The following ESM1 variants were observed in gnomAD, a reference collection of about 807,000 sequenced individuals.
ESM1 encodes the protein endothelial cell-specific molecule 1.
A neutral mutation model predicts 14.9 loss-of-function variants in ESM1; 7 were observed. That is an observed-to-expected ratio of 0.47 (90% CI 0.27 to 0.88). The LOEUF (loss-of-function observed/expected upper bound fraction) is 0.88, where lower values mean the gene tolerates loss of function less well. Ranked by LOEUF, ESM1 falls within the 40% of genes least tolerant of loss-of-function variation. The probability of loss-of-function intolerance (pLI) is 0.14; values close to 1 mark genes in which losing one functional copy is unlikely to be tolerated. For missense variants in ESM1, 192 were observed against 237.9 expected, an observed-to-expected ratio of 0.81 and a Z score of 1.27; for synonymous variants, 89 against 89.4, an observed-to-expected ratio of 1.00 and a Z score of 0.02.
intron 1 of ESM1, among the ~76,000 whole-genome samples, chr5:54,984,574 T>G (rs1239464025): frequency 2.6e-5 from 4 of 152,220 alleles, no homozygotes; most frequent in Non-Finnish European, 5.9e-5. Flanking sequence ...TTCTCTATTG[T>G]TATTTTTCCT....
At chr5:54,980,227 A>G (rs746050194) in intron 2 of ESM1, among the ~76,000 whole-genome samples, 14 of 152,226 alleles carry the variant, frequency 9.2e-5, no homozygotes, top group Non-Finnish European at 1.3e-4. Flanking sequence ...TGTGGACAGG[A>G]AGCACATTTG....
At chr5:54,981,940 T>G (rs1744059739) in intron 2 of ESM1, 57 bp downstream of exon 2, 4 of 1,504,314 alleles carry the variant, frequency 2.7e-6, no homozygotes, top group Non-Finnish European at 3.7e-6. Flanking sequence ...ATTTTCTAAG[T>G]TATTCACACT....
Position 54,978,569 on chromosome 5 carries a change from C to T in ESM1, c.*763G>A, listed in dbSNP as rs182617929. ...AAATATATAAATATTTACCTTCATA[C>T]ACACACAAACCACCAGTGGGTAAAA... On this transcript the variant is annotated 3_prime_UTR_variant, in exon 3 of 3. Coordinates refer to ENST00000381405, the MANE Select transcript of ESM1 (RefSeq NM_007036.5). 324 of 152,340 alleles carry T rather than the reference C, an allele frequency of 2.1e-3. No individual in the cohort carries two copies. Among genetic ancestry groups the T allele is most frequent in the Non-Finnish European group, 3.6e-3 (243 of 68,002 alleles). 9.4% of individuals were successfully genotyped at this position (152,340 alleles called of 1,614,324 possible).
At position 54,978,554 on chromosome 5, in the gene ESM1, A is replaced by T. The variant is rs1743982567; in HGVS notation, c.*778T>A. On this transcript the variant is annotated 3_prime_UTR_variant, in exon 3 of 3. Coordinates refer to ENST00000381405, the MANE Select transcript of ESM1 (RefSeq NM_007036.5). ...CACATTTATTTATAAAAATATATAA[A>T]TATTTACCTTCATACACACACAAAC... The T allele has an allele frequency of 6.6e-6, 1 of 152,216 alleles. No individual in the cohort carries two copies. The highest frequency in any genetic ancestry group is 1.5e-5 in the Non-Finnish European group (1 of 68,028). The allele number at this position is 152,216 out of a possible 1,614,324, so 9.4% of individuals were successfully genotyped here. A position where few individuals can be genotyped will look rare whatever the true frequency, so the allele number is the denominator to read the frequency against.
rs1160560679 is a variant in ESM1 at position 54,978,448 on chromosome 5, C to G, written c.*884G>C. On this transcript the variant is annotated 3_prime_UTR_variant, in exon 3 of 3. Coordinates refer to ENST00000381405, the MANE Select transcript of ESM1 (RefSeq NM_007036.5). ...AACCTTATAGAGTCATAGTTTTATT[C>G]TAACCATTTTCAACAAATAATACTA... 3 of 151,962 alleles carry G rather than the reference C, an allele frequency of 2.0e-5. No individual in the cohort carries two copies. Among genetic ancestry groups the G allele is most frequent in the Admixed American group, 1.3e-4 (2 of 15,248 alleles). The allele number at this position is 151,962 out of a possible 1,614,324, so 9.4% of individuals were successfully genotyped here.
At position 54,978,462 on chromosome 5, in the gene ESM1, C is replaced by A. The variant is rs1022649965; in HGVS notation, c.*870G>T. Reference sequence around the variant, plus strand: ...ATAGTTTTATTCTAACCATTTTCAACAAATAATACTAGATTTCTTTCCTCA... The same window carrying A: ...ATAGTTTTATTCTAACCATTTTCAAAAAATAATACTAGATTTCTTTCCTCA... On this transcript the variant is annotated 3_prime_UTR_variant, in exon 3 of 3. Transcript: ENST00000381405. 1.3e-5 allele frequency: 2 copies of A among 151,992 alleles called. No individual in the cohort carries two copies. Among genetic ancestry groups the A allele is most frequent in the African/African-American group, 4.8e-5 (2 of 41,372 alleles). The allele number at this position is 151,992 out of a possible 1,614,324, so 9.4% of individuals were successfully genotyped here.
At chr5:54,985,137 G>C in intron 1 of ESM1, 80 bp downstream of exon 1, 2 of 1,357,028 alleles carry the variant, frequency 1.5e-6, no homozygotes, top group Non-Finnish European at 2.0e-6. Context: ...CTCTTGAGGA[G>C]CAAAGCCACC....
rs916496291 is a variant in ESM1, at chr5:54,978,560, A to G, written c.*772T>C. On this transcript the variant is annotated 3_prime_UTR_variant, in exon 3 of 3. Transcript: ENST00000381405. The stretch of plus-strand genomic sequence containing the variant: ...TATTTATAAAAATATATAAATATTT[A>G]CCTTCATACACACACAAACCACCAG... The G allele has an allele frequency of 3.9e-5, 6 of 152,316 alleles. No individual in the cohort carries two copies. The highest frequency in any genetic ancestry group is 1.4e-4 in the African/African-American group (6 of 41,436). 9.4% of individuals were successfully genotyped at this position (152,316 alleles called of 1,614,324 possible). A position where few individuals can be genotyped will look rare whatever the true frequency, so the allele number is the denominator to read the frequency against.
chr5:54,981,294 G>A (rs899762974), intron 2 of ESM1, among the ~76,000 whole-genome samples: 2 of 152,070 alleles, frequency 1.3e-5, no homozygotes, highest in African/African-American at 4.8e-5. Flanking sequence ...CAGTTTAATG[G>A]AACTCTCCTG....
Position 54,979,283 on chromosome 5 carries a change from G to T in ESM1, c.*49C>A. The T allele has an allele frequency of 7.3e-7, 1 of 1,365,134 alleles. No homozygotes were observed. The highest frequency in any genetic ancestry group is 1.0e-6 in the Non-Finnish European group (1 of 954,280). 84.6% of individuals were successfully genotyped at this position (1,365,134 alleles called of 1,614,324 possible). A position where few individuals can be genotyped will look rare whatever the true frequency, so the allele number is the denominator to read the frequency against. On this transcript the variant is annotated 3_prime_UTR_variant, in exon 3 of 3. Transcript: ENST00000381405. Reference sequence around the variant, plus strand: ...AAAGTTCCTAAAATGTTGGCTGTGTGTTGAACAATCACGAAAATAGAGCCT... The same window carrying T: ...AAAGTTCCTAAAATGTTGGCTGTGTTTTGAACAATCACGAAAATAGAGCCT...
intron 2 of ESM1, among the ~76,000 whole-genome samples, chr5:54,981,235 A>G (rs1744045874): frequency 3.3e-5 from 5 of 152,158 alleles, no homozygotes; most frequent in Admixed American, 3.3e-4. Flanking sequence ...ATTCTGTGCA[A>G]TGGAGGCCTA....
rs10557410 is a variant in ESM1 at position 54,978,828 on chromosome 5, CA to C, written c.*503del. ...GTTTTATTTTGACTTTTCCCAAAGC[CA>C]AAAAAAAAAAAAAAAGCACAATTAA... On this transcript the variant is annotated 3_prime_UTR_variant, in exon 3 of 3. Coordinates refer to ENST00000381405, the MANE Select transcript of ESM1 (RefSeq NM_007036.5). 1.6e-3 allele frequency: 204 copies of C among 130,540 alleles called. 1 individual carries two copies. The highest frequency in any genetic ancestry group is 8.7e-3 in the Middle Eastern group (2 of 230). The allele number at this position is 130,540 out of a possible 1,614,324, so 8.1% of individuals were successfully genotyped here. A position where few individuals can be genotyped will look rare whatever the true frequency, so the allele number is the denominator to read the frequency against.
chr5:54,979,445 G>A lies in ESM1; in HGVS notation c.452-10C>T, dbSNP rs571977543. On this transcript the variant is annotated splice_polypyrimidine_tract_variant and intron_variant, in intron 2 of 2. Coordinates refer to ENST00000381405, the MANE Select transcript of ESM1 (RefSeq NM_007036.5). ...GATGCCATGTCATGCTCTGAAAGTA[G>A]ACGGAATACAAATCATGTCCAAACA... The A allele has an allele frequency of 3.8e-6, 6 of 1,573,236 alleles. 1 individual carries two copies. In the South Asian group the frequency reaches 6.7e-5, roughly 17 times the overall value.
chr5:54,984,155 G>T (rs1036770069), intron 1 of ESM1, among the ~76,000 whole-genome samples: 1 of 151,984 alleles, frequency 6.6e-6, no homozygotes, highest in African/African-American at 2.4e-5. Context: ...TGTCTAAGAA[G>T]TAGGAGAATT....
Position 54,979,348 on chromosome 5 carries a change from C to T in ESM1, c.539G>A (p.Trp180Ter), listed in dbSNP as rs756683828. 1.2e-6 allele frequency: 2 copies of T among 1,613,194 alleles called. No homozygotes were observed. The highest frequency in any genetic ancestry group is 2.2e-5 in the South Asian group (2 of 91,036). ...CAGCCGGGATCAGCGTGGATTTAAC[C>T]ATTTCCTCATTACGGGAGACCCGGC... is the stretch of plus-strand genomic sequence containing the variant. ...NAAGSPVMRK[W>*]LNPR Residue 180 changes from tryptophan to a stop codon, truncating the protein, a stop_gained, in exon 3 of 3, where the codon TGG becomes TAG. Coordinates refer to ENST00000381405, the MANE Select transcript of ESM1 (RefSeq NM_007036.5). LOFTEE classifies it high-confidence loss of function.
rs1032590191 is a variant in ESM1 at position 54,978,489 on chromosome 5, G to A, written c.*843C>T. On this transcript the variant is annotated 3_prime_UTR_variant, in exon 3 of 3. Transcript: ENST00000381405. ...AATAATACTAGATTTCTTTCCTCAAGAGGATGATAAATATGGGTAGGGAAG... is the reference window on the plus strand; with the variant it reads ...AATAATACTAGATTTCTTTCCTCAAAAGGATGATAAATATGGGTAGGGAAG... 5.3e-5 allele frequency: 8 copies of A among 151,936 alleles called. No homozygotes were observed. Among genetic ancestry groups the A allele is most frequent in the South Asian group, 2.1e-4 (1 of 4,812 alleles). 9.4% of individuals were successfully genotyped at this position (151,936 alleles called of 1,614,324 possible). A position where few individuals can be genotyped will look rare whatever the true frequency, so the allele number is the denominator to read the frequency against.
In ESM1 at chr5:54,985,257, A is replaced by G. The variant is rs144790785; in HGVS notation, c.261T>C (p.Asn87=). Residue 87 remains asparagine, a synonymous_variant, in exon 1 of 3, where the codon AAT becomes AAC. Coordinates refer to ENST00000381405, the MANE Select transcript of ESM1 (RefSeq NM_007036.5). The part of the protein sequence containing the change: ...CGPGLRCQPS[N]GEDPFGEEFG... The stretch of plus-strand genomic sequence containing the variant: ...ACTCTTCACCAAAAGGATCCTCCCC[A>G]TTAGAAGGCTGACACCTCAGCCCCG... 39 of 1,613,864 alleles carry G rather than the reference A, an allele frequency of 2.4e-5. No homozygotes were observed. Among genetic ancestry groups the G allele is most frequent in the Admixed American group, 3.3e-5 (2 of 60,020 alleles).
chr5:54,982,013 T>C lies in ESM1; in HGVS notation c.435A>G (p.Arg145=). ...AGTGCTTACCCGTGAGAGAAACAAA[T>C]CTGTTGGAAGACTTGGTTACTGAAT... ...FQYSVTKSSN[R]FVSLTEHDMA... is the part of the protein sequence containing the mutation. Residue 145 remains arginine, a synonymous_variant, in exon 2 of 3, where the codon AGA becomes AGG. Coordinates refer to ENST00000381405, the MANE Select transcript of ESM1 (RefSeq NM_007036.5). The C allele has an allele frequency of 1.9e-6, 3 of 1,614,154 alleles. No homozygotes were observed. Among genetic ancestry groups the C allele is most frequent in the Non-Finnish European group, 2.5e-6 (3 of 1,180,000 alleles).
At chr5:54,981,310 G>A (rs1419661809) in intron 2 of ESM1, among the ~76,000 whole-genome samples, 2 of 152,036 alleles carry the variant, frequency 1.3e-5, no homozygotes, top group East Asian at 3.8e-4. Context: ...TCCTGTACTG[G>A]CCAGCTATTC....
Sources: allele counts gnomAD v4.1 joint callset (sites outside exome capture counted in the v4.1 genomes callset), GRCh38; gene constraint gnomAD v4.1.1; transcripts MANE v1.5; gene names NCBI Gene and HGNC (gene_info 2026-07-23, HGNC 2026-07-21).